YPEL2: variants seen among roughly 807,000 people sequenced by gnomAD.
YPEL2 encodes the protein protein yippee-like 2.
Under a neutral mutation model 19.1 loss-of-function variants are expected in YPEL2, and 2 were observed. That is an observed-to-expected ratio of 0.10 (90% CI 0.04 to 0.33). YPEL2 has a LOEUF of 0.33. Among genes scored for constraint, YPEL2 ranks in the 10% least tolerant of loss-of-function variants. The pLI is 1.00. For synonymous variants in YPEL2, 52 were observed against 50.0 expected, an observed-to-expected ratio of 1.04 and a Z score of -0.17; for missense variants, 66 against 140.7, an observed-to-expected ratio of 0.47 and a Z score of 2.68.
intron 2 of YPEL2, among the ~76,000 whole-genome samples, chr17:59,364,138 C>G (rs949085841): frequency 6.6e-6 from 1 of 152,182 alleles, no homozygotes; most frequent in East Asian, 1.9e-4. Context: ...ACAAGATTCT[C>G]AATGTCCTGG....
At chr17:59,334,394 G>GGA (rs199578642) in intron 1 of YPEL2, among the ~76,000 whole-genome samples, 3 of 148,238 alleles carry the variant, frequency 2.0e-5, no homozygotes, top group Admixed American at 6.8e-5. Flanking sequence ...TTTATTTGGG[G>GGA]GGGGGTGAGG....
intron 2 of YPEL2, among the ~76,000 whole-genome samples, chr17:59,373,199 G>T (rs180860274): frequency 6.6e-6 from 1 of 152,270 alleles, no homozygotes; most frequent in East Asian, 1.9e-4. Flanking sequence ...AAACATCTCA[G>T]GGCCACCATT....
At chr17:59,357,146 T>C (rs2047816918) in intron 2 of YPEL2, among the ~76,000 whole-genome samples, 1 of 152,148 alleles carries the variant, frequency 6.6e-6, no homozygotes. Flanking sequence ...GTTTGCAAAT[T>C]ACAAACCTTT....
intron 4 of YPEL2, among the ~76,000 whole-genome samples, chr17:59,393,525 TA>T (rs1412563481): frequency 6.7e-6 from 1 of 150,294 alleles, no homozygotes; most frequent in Non-Finnish European, 1.5e-5. Flanking sequence ...TTTATTTATT[TA>T]TTTTTTATTG....
chr17:59,364,365 A>G (rs1404869791), intron 2 of YPEL2, among the ~76,000 whole-genome samples: 1 of 152,192 alleles, frequency 6.6e-6, no homozygotes, highest in Non-Finnish European at 1.5e-5. Flanking sequence ...GACAGTGTCA[A>G]GCGCTGTGAT....
At chr17:59,364,612 C>CTTT (rs56282847) in intron 2 of YPEL2, among the ~76,000 whole-genome samples, 37 of 108,696 alleles carry the variant, frequency 3.4e-4, no homozygotes, top group African/African-American at 5.1e-4. Flanking sequence ...CCCTCTGTGT[C>CTTT]TTTTTTTTTT....
rs142334247 is a variant in YPEL2, at chr17:59,344,624, G to T, written c.-195-8591G>T. On this transcript the variant is annotated intron_variant, in intron 1 of 4. Coordinates refer to ENST00000312655, the MANE Select transcript of YPEL2 (RefSeq NM_001005404.4). ...AATACAAAAATTAGCCAGCAATGGT[G>T]GTACACGCCTGTAATCCCAGCTACC... Among the ~76,000 whole-genome samples the T allele has an allele frequency of 7.2e-3, 1,097 of 152,232 alleles. 14 individuals carry two copies. The highest frequency in any genetic ancestry group is 0.025 in the African/African-American group (1,019 of 41,550).
chr17:59,382,767 T>G (rs1056888965), intron 2 of YPEL2, among the ~76,000 whole-genome samples: 5 of 152,212 alleles, frequency 3.3e-5, no homozygotes, highest in Non-Finnish European at 7.3e-5. Flanking sequence ...ATGAGAGGGT[T>G]GTTCTTGAAA....
At chr17:59,375,964 G>C (rs73996435) in intron 2 of YPEL2, among the ~76,000 whole-genome samples, 64 of 152,320 alleles carry the variant, frequency 4.2e-4, no homozygotes, top group Admixed American at 9.1e-4. Flanking sequence ...CTTACAAGCT[G>C]TGTGAAACTG....
chr17:59,360,188 T>TGCCTCA (rs2047833616), intron 2 of YPEL2, among the ~76,000 whole-genome samples: 1 of 152,238 alleles, frequency 6.6e-6, no homozygotes, highest in Admixed American at 6.5e-5. Flanking sequence ...GCCATTCTCC[T>TGCCTCA]GCCTCAGCCT....
chr17:59,335,675 A>G (rs943542309), intron 1 of YPEL2, among the ~76,000 whole-genome samples: 1 of 151,730 alleles, frequency 6.6e-6, no homozygotes, highest in South Asian at 2.1e-4. Context: ...CAGCCTCCCA[A>G]GTAGCTGGGA....
chr17:59,347,448 G>A (rs1259370605), intron 1 of YPEL2, among the ~76,000 whole-genome samples: 1 of 152,138 alleles, frequency 6.6e-6, no homozygotes, highest in Non-Finnish European at 1.5e-5. Flanking sequence ...TTTAACCACT[G>A]CTCTGTGTTG....
chr17:59,363,683 A>T (rs1314546208), intron 2 of YPEL2, among the ~76,000 whole-genome samples: 3 of 152,136 alleles, frequency 2.0e-5, no homozygotes, highest in Non-Finnish European at 4.4e-5. Flanking sequence ...TTACTCCATC[A>T]CTTATTTTAC....
chr17:59,362,428 T>G (rs1366136433), intron 2 of YPEL2, among the ~76,000 whole-genome samples: 2 of 152,122 alleles, frequency 1.3e-5, no homozygotes, highest in Non-Finnish European at 2.9e-5. Flanking sequence ...CTCACCAATT[T>G]AGTATCAAGG....
rs1188130878 is a variant in YPEL2 at position 59,389,310 on chromosome 17, G to A, written c.162-50G>A. ...TGCTGGAAGCTCAGCTTGAATGCCT[G>A]ATGTGCGTGTCACTAACTACCCACT... is the stretch of plus-strand genomic sequence containing the variant. On this transcript the variant is annotated intron_variant, in intron 3 of 4. Coordinates refer to ENST00000312655, the MANE Select transcript of YPEL2 (RefSeq NM_001005404.4). The A allele has an allele frequency of 3.3e-6, 5 of 1,513,282 alleles. No individual in the cohort carries two copies. In the African/African-American group the frequency reaches 5.5e-5, roughly 17 times the overall value. The allele number at this position is 1,513,282 out of a possible 1,614,324, so 93.7% of individuals were successfully genotyped here.
At chr17:59,348,314 G>T (rs1003089772) in intron 1 of YPEL2, among the ~76,000 whole-genome samples, 3 of 152,228 alleles carry the variant, frequency 2.0e-5, no homozygotes, top group Non-Finnish European at 4.4e-5. Flanking sequence ...GTCAGTTTCC[G>T]TGGCTCGGCA....
At position 59,367,169 on chromosome 17, in the gene YPEL2, A is replaced by C. The variant is rs557072309; in HGVS notation, c.117+13643A>C. On this transcript the variant is annotated intron_variant, in intron 2 of 4. Coordinates refer to ENST00000312655, the MANE Select transcript of YPEL2 (RefSeq NM_001005404.4). ...TTATTTATTCAGTAAACATTAATTG[A>C]GTGCCATTATGTGCCAGGCCATGTG... is the stretch of plus-strand genomic sequence containing the variant. 6.6e-5 allele frequency among the ~76,000 whole-genome samples: 10 copies of C among 152,296 alleles called. No individual in the cohort carries two copies. In the East Asian group the frequency reaches 1.9e-3, roughly 29 times the overall value.
intron 2 of YPEL2, among the ~76,000 whole-genome samples, chr17:59,360,647 G>A (rs926378557): frequency 1.3e-5 from 2 of 152,150 alleles, no homozygotes; most frequent in Non-Finnish European, 2.9e-5. Flanking sequence ...GGAAGGGGTG[G>A]CAGGTGAATC....
At chr17:59,336,976 G>A (rs1036913085) in intron 1 of YPEL2, among the ~76,000 whole-genome samples, 14 of 152,270 alleles carry the variant, frequency 9.2e-5, no homozygotes, top group African/African-American at 3.1e-4. Context: ...GACTTGATTA[G>A]GCTGGGCCAT....
Sources: allele counts gnomAD v4.1 joint callset (sites outside exome capture counted in the v4.1 genomes callset), GRCh38; gene constraint gnomAD v4.1.1; transcripts MANE v1.5; gene names NCBI Gene and HGNC (gene_info 2026-07-23, HGNC 2026-07-21).